Variants in CADPS2 observed in about 807,000 individuals in gnomAD.
CADPS2 encodes calcium-dependent secretion activator 2.
A neutral mutation model predicts 172.5 loss-of-function variants in CADPS2; 93 were observed. That is an observed-to-expected ratio of 0.54 (90% CI 0.46 to 0.64). CADPS2 has a LOEUF of 0.64. Among genes scored for constraint, CADPS2 ranks in the 30% least tolerant of loss-of-function variants. The pLI, the probability that CADPS2 is intolerant of heterozygous loss-of-function variation, is 0.00. For synonymous variants in CADPS2, 546 were observed against 555.2 expected, an observed-to-expected ratio of 0.98 and a Z score of 0.23; for missense variants, 1,420 against 1,565.9, an observed-to-expected ratio of 0.91 and a Z score of 1.57.
intron 1 of CADPS2, among the ~76,000 whole-genome samples, chr7:122,837,808 G>A (rs563122000): frequency 6.6e-6 from 1 of 152,100 alleles, no homozygotes; most frequent in African/African-American, 2.4e-5. Context: ...ACCAATAAAA[G>A]TCCAGCACCA....
intron 15 of CADPS2, among the ~76,000 whole-genome samples, chr7:122,443,101 T>C (rs1327462415): frequency 6.6e-6 from 1 of 152,196 alleles, no homozygotes; most frequent in African/African-American, 2.4e-5. Context: ...TTCCCTATTG[T>C]TTATTTCCAT....
At chr7:122,325,327 C>T (rs367777074) in intron 29 of CADPS2, 150 bp downstream of exon 29, 4 of 497,356 alleles carry the variant, frequency 8.0e-6, no homozygotes, top group South Asian at 7.2e-5. Context: ...ATTTATTAAT[C>T]TAACTAAACG....
At chr7:122,749,324 G>A (rs1264832812) in intron 1 of CADPS2, among the ~76,000 whole-genome samples, 2 of 152,052 alleles carry the variant, frequency 1.3e-5, no homozygotes, top group African/African-American at 4.8e-5. Context: ...GTGCCTAATA[G>A]CTGATTAAAA....
chr7:122,644,196 C>T (rs895897281), intron 3 of CADPS2, among the ~76,000 whole-genome samples: 2 of 152,218 alleles, frequency 1.3e-5, no homozygotes, highest in Non-Finnish European at 2.9e-5. Flanking sequence ...ACACTTTAGC[C>T]TAACATTCGG....
At chr7:122,422,255 C>A (rs1016479388) in intron 17 of CADPS2, among the ~76,000 whole-genome samples, 2 of 152,048 alleles carry the variant, frequency 1.3e-5, no homozygotes, top group African/African-American at 4.8e-5. Flanking sequence ...TGAAGTGAGG[C>A]CCAAACAGCG....
intron 8 of CADPS2, among the ~76,000 whole-genome samples, chr7:122,541,710 T>C (rs2063007275): frequency 6.8e-6 from 1 of 146,070 alleles, no homozygotes; most frequent in Non-Finnish European, 1.5e-5. Context: ...TATATTCATA[T>C]ATTTACATAT....
At chr7:122,320,843 A>G (rs2032299339) in intron 29 of CADPS2, among the ~76,000 whole-genome samples, 1 of 152,228 alleles carries the variant, frequency 6.6e-6, no homozygotes, top group Non-Finnish European at 1.5e-5. Flanking sequence ...GAATTATAAA[A>G]TTTATTTACA....
chr7:122,321,437 G>T (rs1398881838), intron 29 of CADPS2, among the ~76,000 whole-genome samples: 1 of 152,102 alleles, frequency 6.6e-6, no homozygotes, highest in Non-Finnish European at 1.5e-5. Flanking sequence ...CAAAGTGCCG[G>T]GACTACAGGC....
At chr7:122,706,161 C>T (rs866952178) in intron 2 of CADPS2, among the ~76,000 whole-genome samples, 1 of 43,002 alleles carries the variant, frequency 2.3e-5, no homozygotes, top group Non-Finnish European at 4.0e-5. Context: ...TATATATATG[C>T]TTATATATTC....
intron 3 of CADPS2, among the ~76,000 whole-genome samples, chr7:122,631,747 G>A (rs2076597488): frequency 6.6e-6 from 1 of 151,730 alleles, no homozygotes; most frequent in South Asian, 2.1e-4. Context: ...TGGTTTCATG[G>A]GTATATTACA....
At chr7:122,380,088 T>A (rs954376186) in intron 24 of CADPS2, among the ~76,000 whole-genome samples, 5 of 151,982 alleles carry the variant, frequency 3.3e-5, no homozygotes, top group African/African-American at 1.2e-4. Flanking sequence ...CGCTTCCTCA[T>A]GAAAAAGATG....
chr7:122,548,933 G>A, intron 8 of CADPS2, among the ~76,000 whole-genome samples: 1 of 152,202 alleles, frequency 6.6e-6, no homozygotes, highest in East Asian at 1.9e-4. Context: ...ATCCATAATA[G>A]CTGTCAAATA....
intron 1 of CADPS2, among the ~76,000 whole-genome samples, chr7:122,807,297 T>C (rs1244173336): frequency 1.3e-5 from 2 of 152,182 alleles, no homozygotes; most frequent in Non-Finnish European, 2.9e-5. Context: ...CCAGTGATCA[T>C]ATCCCCAGTG....
At position 122,710,258 on chromosome 7, in the gene CADPS2, C is replaced by T. The variant is rs551909553; in HGVS notation, c.453+26697G>A. On this transcript the variant is annotated intron_variant, in intron 2 of 29. Coordinates refer to ENST00000449022, the MANE Select transcript of CADPS2 (RefSeq NM_017954.11). ...GGTGATTAAGGAGATTTTCTCCTTA[C>T]GTTTTTCCAATTCACAGATCACAAA... Among the ~76,000 whole-genome samples, 16 of 152,110 alleles carry T rather than the reference C, an allele frequency of 1.1e-4. No homozygotes were observed. In the East Asian group the frequency reaches 2.5e-3, roughly 24 times the overall value.
intron 1 of CADPS2, among the ~76,000 whole-genome samples, chr7:122,834,591 A>C (rs1437581118): frequency 1.3e-5 from 2 of 152,080 alleles, no homozygotes; most frequent in Non-Finnish European, 2.9e-5. Flanking sequence ...CCACCCTAAT[A>C]CTGCACTTTT....
intron 1 of CADPS2, among the ~76,000 whole-genome samples, chr7:122,806,409 C>T (rs2140073625): frequency 6.6e-6 from 1 of 152,190 alleles, no homozygotes; most frequent in Admixed American, 6.5e-5. Flanking sequence ...GAAATAAGGG[C>T]CAGAATCTAC....
intron 1 of CADPS2, chr7:122,849,862 G>C (rs1813047373): frequency 1.7e-6 from 1 of 581,348 alleles, no homozygotes; most frequent in Admixed American, 2.2e-5. Flanking sequence ...CTTCTGGGCA[G>C]ATCTCAAGCC....
At chr7:122,773,013 G>A (rs1322385743) in intron 1 of CADPS2, among the ~76,000 whole-genome samples, 1 of 151,996 alleles carries the variant, frequency 6.6e-6, no homozygotes, top group Non-Finnish European at 1.5e-5. Flanking sequence ...CACATGAAAT[G>A]AACAAAAAGT....
intron 14 of CADPS2, among the ~76,000 whole-genome samples, chr7:122,452,905 A>G (rs1408706682): frequency 6.6e-6 from 1 of 152,174 alleles, no homozygotes; most frequent in African/African-American, 2.4e-5. Flanking sequence ...GTGTGTGTAT[A>G]TATGTTTGAT....
Sources: allele counts gnomAD v4.1 joint callset (sites outside exome capture counted in the v4.1 genomes callset), GRCh38; gene constraint gnomAD v4.1.1; transcripts MANE v1.5; gene names NCBI Gene and HGNC (gene_info 2026-07-23, HGNC 2026-07-21).